CNTNAP5: variants seen among roughly 807,000 people sequenced by gnomAD.
CNTNAP5 encodes contactin associated protein family member 5.
A neutral mutation model predicts 150.2 loss-of-function variants in CNTNAP5; 72 were observed. The ratio of observed to expected loss-of-function variants is 0.48; its 90% CI spans 0.40 to 0.58. The LOEUF (loss-of-function observed/expected upper bound fraction) is 0.58, where lower values mean the gene tolerates loss of function less well. Ranked by LOEUF, CNTNAP5 falls within the 20% of genes least tolerant of loss-of-function variation. CNTNAP5 has a pLI of 0.00. For missense variants in CNTNAP5, 1,636 were observed against 1,626.2 expected (o/e 1.01, Z -0.10); for synonymous variants, 672 against 619.8 (o/e 1.08, Z -1.25).
chr2:124,661,421 A>T lies in CNTNAP5; in HGVS notation c.2077+13463A>T, dbSNP rs575281623. Among the ~76,000 whole-genome samples the T allele has an allele frequency of 1.7e-3, 259 of 152,220 alleles. 2 individuals are homozygous for T. The highest frequency in any genetic ancestry group is 5.9e-3 in the African/African-American group (244 of 41,540). The stretch of plus-strand genomic sequence containing the variant: ...TAAACTGGGCCCGCAAAGAATCAGG[A>T]TTATCATCATCACTGTCTTCTATCT... On this transcript the variant is annotated intron_variant, in intron 13 of 23. Transcript: ENST00000682447.
chr2:124,558,432 T>TTTGGTTTGGGTACACAGAGTTTGG (rs11273535), intron 10 of CNTNAP5, among the ~76,000 whole-genome samples: 1 of 151,912 alleles, frequency 6.6e-6, no homozygotes, highest in African/African-American at 2.4e-5. Flanking sequence ...GATTGGAAAG[T>TTTGGTTTGGGTACACAGAGTTTGG]AATATCTATT....
chr2:124,419,152 A>AAAAAAAAAAAAAAAAAAAAAAAAAC (rs772412223), intron 4 of CNTNAP5, among the ~76,000 whole-genome samples: 119 of 120,920 alleles, frequency 9.8e-4, no homozygotes, highest in Non-Finnish European at 2.0e-3. Flanking sequence ...AAAAAAAAAA[A>AAAAAAAAAAAAAAAAAAAAAAAAAC]AAAAAAAAAA....
At chr2:124,340,623 A>G (rs992241275) in intron 3 of CNTNAP5, among the ~76,000 whole-genome samples, 2 of 151,822 alleles carry the variant, frequency 1.3e-5, no homozygotes, top group African/African-American at 4.8e-5. Flanking sequence ...TCTTGGAAAT[A>G]CCCTAAGAAG....
At chr2:124,485,631 A>AAAAAAAAAAAAAG (rs1457112306) in intron 7 of CNTNAP5, among the ~76,000 whole-genome samples, 4 of 134,204 alleles carry the variant, frequency 3.0e-5, no homozygotes, top group African/African-American at 6.2e-5. Context: ...AAAAAAAAAA[A>AAAAAAAAAAAAAG]AAAGAAGAAG....
rs956750143 is a variant in CNTNAP5, at chr2:124,106,079, C to CT, written c.82+80357dup. Among the ~76,000 whole-genome samples, 869 of 149,268 alleles carry CT rather than the reference C, an allele frequency of 5.8e-3. 8 individuals are homozygous for CT. Among genetic ancestry groups the CT allele is most frequent in the Non-Finnish European group, 7.7e-3 (518 of 67,148 alleles). ...TTTCTGTGTATTTCTCCAGATACTGCTTTTTTTTTTCTTTATACAAGTTAT... is the reference window on the plus strand; with the variant it reads ...TTTCTGTGTATTTCTCCAGATACTGCTTTTTTTTTTTCTTTATACAAGTTAT... On this transcript the variant is annotated intron_variant, in intron 1 of 23. Transcript: ENST00000682447.
At chr2:124,130,146 A>G (rs1255048699) in intron 1 of CNTNAP5, among the ~76,000 whole-genome samples, 1 of 152,160 alleles carries the variant, frequency 6.6e-6, no homozygotes. Flanking sequence ...ACAAATTGCA[A>G]ATATATTGTC....
At chr2:124,331,051 A>C (rs1573920724) in intron 3 of CNTNAP5, among the ~76,000 whole-genome samples, 1 of 152,122 alleles carries the variant, frequency 6.6e-6, no homozygotes, top group Non-Finnish European at 1.5e-5. Context: ...AAATTACCAG[A>C]AACTCATACT....
chr2:124,089,874 A>C (rs1682775301), intron 1 of CNTNAP5, among the ~76,000 whole-genome samples: 1 of 152,224 alleles, frequency 6.6e-6, no homozygotes, highest in East Asian at 1.9e-4. Context: ...CCTTTCATGC[A>C]CATGCTTCAA....
At chr2:124,627,481 G>GCCT (rs1454193110) in intron 12 of CNTNAP5, among the ~76,000 whole-genome samples, 4 of 132,664 alleles carry the variant, frequency 3.0e-5, no homozygotes, top group African/African-American at 1.0e-4. Flanking sequence ...GCAGAAGAAA[G>GCCT]GCCTGTTAGA....
intron 13 of CNTNAP5, among the ~76,000 whole-genome samples, chr2:124,666,519 A>G (rs1678703470): frequency 6.6e-6 from 1 of 152,096 alleles, no homozygotes; most frequent in Non-Finnish European, 1.5e-5. Context: ...ACTCCAACAG[A>G]GAGGTGTCAT....
chr2:124,106,984 C>G (rs954825760), intron 1 of CNTNAP5, among the ~76,000 whole-genome samples: 7 of 152,176 alleles, frequency 4.6e-5, no homozygotes, highest in African/African-American at 1.7e-4. Flanking sequence ...GTGTCAGAAG[C>G]GTTGTGAATA....
intron 13 of CNTNAP5, among the ~76,000 whole-genome samples, chr2:124,692,854 C>T (rs752397639): frequency 2.6e-5 from 4 of 152,066 alleles, no homozygotes; most frequent in Non-Finnish European, 5.9e-5. Flanking sequence ...GAATGAGCGC[C>T]AATGGTCTCT....
chr2:124,588,956 C>T (rs1331352941), intron 11 of CNTNAP5, among the ~76,000 whole-genome samples: 5 of 152,032 alleles, frequency 3.3e-5, no homozygotes, highest in Admixed American at 1.3e-4. Flanking sequence ...CAGTGTGTCC[C>T]GGGAGCCTGA....
At chr2:124,459,393 G>A (rs1260859879) in intron 6 of CNTNAP5, among the ~76,000 whole-genome samples, 1 of 152,254 alleles carries the variant, frequency 6.6e-6, no homozygotes, top group East Asian at 1.9e-4. Context: ...AAAGGGTAGA[G>A]TTCTCTGCCC....
intron 8 of CNTNAP5, among the ~76,000 whole-genome samples, chr2:124,506,066 A>T (rs1463980257): frequency 6.6e-6 from 1 of 152,200 alleles, no homozygotes; most frequent in African/African-American, 2.4e-5. Flanking sequence ...AGCCAAGGCA[A>T]TATTAATATA....
chr2:124,892,727 C>T (rs1678219230), intron 21 of CNTNAP5, among the ~76,000 whole-genome samples: 1 of 152,042 alleles, frequency 6.6e-6, no homozygotes, highest in Non-Finnish European at 1.5e-5. Flanking sequence ...ATGTTTTGTT[C>T]TCAGTTCGAC....
intron 10 of CNTNAP5, among the ~76,000 whole-genome samples, chr2:124,550,901 T>A (rs1695613142): frequency 6.6e-6 from 1 of 152,202 alleles, no homozygotes; most frequent in African/African-American, 2.4e-5. Flanking sequence ...GCTACTATTT[T>A]CATAGGCTCA....
chr2:124,839,181 G>T lies in CNTNAP5; in HGVS notation c.3218-26125G>T, dbSNP rs114499492. On this transcript the variant is annotated intron_variant, in intron 19 of 23. Transcript: ENST00000682447. ...CAGTAGAGTGTATGGTTTGTGCAGAGGTTCTCCTATGAGGGAAGATGGGGT... is the reference window on the plus strand; with the variant it reads ...CAGTAGAGTGTATGGTTTGTGCAGATGTTCTCCTATGAGGGAAGATGGGGT... Among the ~76,000 whole-genome samples, 780 of 152,134 alleles carry T rather than the reference G, an allele frequency of 5.1e-3. 14 individuals carry two copies. Among genetic ancestry groups the T allele is most frequent in the African/African-American group, 0.018 (729 of 41,516 alleles).
chr2:124,207,900 A>G (rs1030956955), intron 1 of CNTNAP5, among the ~76,000 whole-genome samples: 2 of 152,234 alleles, frequency 1.3e-5, no homozygotes, highest in Non-Finnish European at 2.9e-5. Context: ...AAATTACAGC[A>G]CTGAATACCT....
Sources: gnomAD v4.1 joint callset for allele counts (sites outside exome capture counted in the v4.1 genomes callset) on GRCh38, gnomAD v4.1.1 for gene constraint, MANE v1.5 for transcripts, NCBI Gene and HGNC (gene_info 2026-07-23, HGNC 2026-07-21) for gene names.